Variants in ARHGEF28 observed in about 807,000 individuals in gnomAD.
ARHGEF28 encodes 190 kDa guanine nucleotide exchange factor.
Under a neutral mutation model 206.6 loss-of-function variants are expected in ARHGEF28, and 152 were observed. The ratio of observed to expected loss-of-function variants is 0.74; its 90% CI spans 0.64 to 0.84. ARHGEF28 has a LOEUF of 0.84. Ranked by LOEUF, ARHGEF28 falls within the 40% of genes least tolerant of loss-of-function variation. The pLI is 0.00. For missense variants in ARHGEF28, 2,028 were observed against 2,073.2 expected (o/e 0.98, Z 0.42); for synonymous variants, 763 against 776.4 (o/e 0.98, Z 0.29).
At chr5:73,871,120 A>G (rs979657099) in intron 21 of ARHGEF28, among the ~76,000 whole-genome samples, 1 of 152,104 alleles carries the variant, frequency 6.6e-6, no homozygotes, top group African/African-American at 2.4e-5. Context: ...TCTACTGTCA[A>G]TTTTCTTCAT....
intron 2 of ARHGEF28, among the ~76,000 whole-genome samples, chr5:73,712,732 A>G (rs1194480379): frequency 1.3e-5 from 2 of 152,244 alleles, no homozygotes; most frequent in African/African-American, 4.8e-5. Context: ...AGAACAATAG[A>G]AAAGTCCTCA....
rs531838257 is a variant in ARHGEF28 at position 73,813,530 on chromosome 5, G to T, written c.1024+18139G>T. 5 of 1,529,054 alleles carry T rather than the reference G, an allele frequency of 3.3e-6. No homozygotes were observed. In the South Asian group the frequency reaches 4.8e-5, roughly 15 times the overall value. The allele number at this position is 1,529,054 out of a possible 1,614,324, so 94.7% of individuals were successfully genotyped here. On this transcript the variant is annotated intron_variant, in intron 9 of 35. Coordinates refer to ENST00000513042, the MANE Select transcript of ARHGEF28 (RefSeq NM_001177693.2). ...GGAGGCTTGCCTCCTGGCTGGGGAC[G>T]CCCCGAGTTCTTCCTGAGTCTCTAC...
At position 73,940,855 on chromosome 5, in the gene ARHGEF28, T is replaced by C. The variant is rs282414; in HGVS notation, c.4960T>C (p.Ser1654Pro). 8,171 of 1,515,372 alleles carry C rather than the reference T, an allele frequency of 5.4e-3. 628 individuals are homozygous for C. In the East Asian group the frequency reaches 0.17, roughly 31 times the overall value. The allele number at this position is 1,515,372 out of a possible 1,614,324, so 93.9% of individuals were successfully genotyped here. The change falls in exon 36 of 36, where the codon TCC becomes CCC. Residue 1654 changes from serine (S) to proline (P), a missense_variant. Around this residue, in one of 3 missense-constraint regions of ARHGEF28, gnomAD observed 803 missense variants for 768.0 expected, o/e 1.05. Transcript: ENST00000513042. ...KDSCKNDLDT[S>P]HTESPTPHDS... Reference sequence around the variant, plus strand: ...TCTGTTTCTTGCAGATTTGGACACCTCCCACACTGAGTCCCCAACCCCCCA... The same window carrying C: ...TCTGTTTCTTGCAGATTTGGACACCCCCCACACTGAGTCCCCAACCCCCCA...
intron 9 of ARHGEF28, among the ~76,000 whole-genome samples, chr5:73,815,079 A>G (rs1756103658): frequency 6.6e-6 from 1 of 152,108 alleles, no homozygotes. Context: ...TAGATGTTAT[A>G]AGGAACAGAC....
At chr5:73,647,092 G>T (rs1226334338) in intron 1 of ARHGEF28, among the ~76,000 whole-genome samples, 2 of 152,114 alleles carry the variant, frequency 1.3e-5, no homozygotes, top group African/African-American at 4.8e-5. Flanking sequence ...AATCTGAAAT[G>T]CTCTACAATC....
rs962288983 is a variant in ARHGEF28 at position 73,809,888 on chromosome 5, G to A, written c.1024+14497G>A. ...ATATATGGTGAAAGGGTGGCCTGGG[G>A]GATATATCATTGAATTCTGCTGTCT... is the stretch of plus-strand genomic sequence containing the variant. On this transcript the variant is annotated intron_variant, in intron 9 of 35. Coordinates refer to ENST00000513042, the MANE Select transcript of ARHGEF28 (RefSeq NM_001177693.2). Among the ~76,000 whole-genome samples the A allele has an allele frequency of 3.3e-5, 5 of 152,188 alleles. No individual in the cohort carries two copies. The East Asian group carries it at 9.6e-4, about 29-fold the overall frequency.
chr5:73,785,111 A>T (rs1258294061), intron 7 of ARHGEF28, among the ~76,000 whole-genome samples: 2 of 152,226 alleles, frequency 1.3e-5, no homozygotes, highest in Non-Finnish European at 2.9e-5. Flanking sequence ...TTTTCTATTT[A>T]GTATTTTTGG....
chr5:73,782,698 T>G (rs1753919602), intron 7 of ARHGEF28, among the ~76,000 whole-genome samples: 1 of 152,142 alleles, frequency 6.6e-6, no homozygotes, highest in African/African-American at 2.4e-5. Context: ...AAGAAGGTGG[T>G]GGGCACTTTG....
At chr5:73,910,044 T>C (rs769490911) in intron 34 of ARHGEF28, 147 bp downstream of exon 34, 1 of 1,280,174 alleles carries the variant, frequency 7.8e-7, no homozygotes, top group Non-Finnish European at 1.0e-6. Context: ...TAGCCAAAGC[T>C]GGAAGCTTTC....
chr5:73,712,491 G>T (rs1749310170), intron 2 of ARHGEF28, among the ~76,000 whole-genome samples: 1 of 152,044 alleles, frequency 6.6e-6, no homozygotes. Context: ...TCCATAAGTG[G>T]CTTGGTACCT....
chr5:73,851,254 A>C (rs187373445), intron 13 of ARHGEF28, among the ~76,000 whole-genome samples: 118 of 152,280 alleles, frequency 7.7e-4, no homozygotes, highest in Admixed American at 3.1e-3. Context: ...ACAGAGTCCA[A>C]GTCTCCTTAT....
chr5:73,929,040 A>G (rs1003377831), intron 35 of ARHGEF28, among the ~76,000 whole-genome samples: 2 of 152,186 alleles, frequency 1.3e-5, no homozygotes, highest in Non-Finnish European at 2.9e-5. Flanking sequence ...GGTTCATGCC[A>G]TTCTCCTGCC....
intron 1 of ARHGEF28, among the ~76,000 whole-genome samples, chr5:73,652,713 C>T (rs1744911272): frequency 6.6e-6 from 1 of 152,188 alleles, no homozygotes; most frequent in South Asian, 2.1e-4. Context: ...ATATGTTATA[C>T]ATCTGGAATC....
In ARHGEF28 at chr5:73,940,990, A is replaced by G. The variant is rs1189810445; in HGVS notation, c.5095A>G (p.Lys1699Glu). The change falls in exon 36 of 36, where the codon AAA becomes GAA. Residue 1699 changes from lysine (K) to glutamate (E), a missense_variant. Coordinates refer to ENST00000513042, the MANE Select transcript of ARHGEF28 (RefSeq NM_001177693.2). ...RQDGETGDGA[K>E]ENIVYL ...AGATGGGGAAACTGGAGATGGAGCC[A>G]AAGAAAATATTGTTTACCTCTAATT... is the stretch of plus-strand genomic sequence containing the variant. The G allele has an allele frequency of 7.9e-6, 12 of 1,521,400 alleles. No homozygotes were observed. Among genetic ancestry groups the G allele is most frequent in the South Asian group, 1.2e-5 (1 of 80,900 alleles). The allele number at this position is 1,521,400 out of a possible 1,614,324, so 94.2% of individuals were successfully genotyped here.
chr5:73,912,695 A>G (rs1380440266), intron 35 of ARHGEF28, among the ~76,000 whole-genome samples: 1 of 152,256 alleles, frequency 6.6e-6, no homozygotes, highest in Admixed American at 6.5e-5. Flanking sequence ...GGTAAAGAAA[A>G]AATATGATGG....
At chr5:73,845,058 C>T (rs1258441729) in intron 11 of ARHGEF28, among the ~76,000 whole-genome samples, 2 of 129,584 alleles carry the variant, frequency 1.5e-5, no homozygotes, top group Non-Finnish European at 3.1e-5. Flanking sequence ...TGCTCTTTTG[C>T]CCAGGCTGGA....
intron 2 of ARHGEF28, among the ~76,000 whole-genome samples, chr5:73,744,815 T>G (rs1238595820): frequency 6.6e-6 from 1 of 152,094 alleles, no homozygotes; most frequent in East Asian, 1.9e-4. Context: ...CATTGAAAAG[T>G]ATTTATTAAC....
rs779814453 is a variant in ARHGEF28 at position 73,886,071 on chromosome 5, G to A, written c.3277G>A (p.Val1093Ile). Residue 1093 changes from valine (V) to isoleucine (I), a missense_variant, in exon 25 of 36, where the codon GTT (valine) becomes ATT (isoleucine). Around this residue, in one of 3 missense-constraint regions of ARHGEF28, gnomAD observed 803 missense variants for 768.0 expected, o/e 1.05. Coordinates refer to ENST00000513042, the MANE Select transcript of ARHGEF28 (RefSeq NM_001177693.2). ...AAGGACTCTGTTATATGATGGCCTT[G>A]TTTACTGGAAAACTGCTACAGGTCG... ...EERTLLYDGL[V>I]YWKTATGRFK... 3.1e-6 allele frequency: 5 copies of A among 1,613,282 alleles called. No individual in the cohort carries two copies. Among genetic ancestry groups the A allele is most frequent in the Non-Finnish European group, 2.5e-6 (3 of 1,179,718 alleles).
chr5:73,886,706 C>A (rs1204946527), intron 25 of ARHGEF28, among the ~76,000 whole-genome samples: 1 of 152,144 alleles, frequency 6.6e-6, no homozygotes, highest in African/African-American at 2.4e-5. Flanking sequence ...GCTTTCTCAC[C>A]CTGGCCACAC....
Sources: gnomAD v4.1 joint callset for allele counts (sites outside exome capture counted in the v4.1 genomes callset) on GRCh38, gnomAD v4.1.1 for gene constraint, gnomAD v4.1.1 regional missense constraint, MANE v1.5 for transcripts, NCBI Gene and HGNC (gene_info 2026-07-23, HGNC 2026-07-21) for gene names.